The following MMP16 variants were observed in gnomAD, a reference collection of about 807,000 sequenced individuals.
MMP16 encodes the protein matrix metalloproteinase-16.
In MMP16, 12 loss-of-function variants were observed where a neutral mutation model predicts 67.8. The observed-to-expected ratio is 0.18, with a 90% CI of 0.11 to 0.29. The LOEUF is 0.29. MMP16 is among the 10% of genes least tolerant of loss of function. The pLI, the probability that MMP16 is intolerant of heterozygous loss-of-function variation, is 1.00. For synonymous variants in MMP16, 249 were observed against 255.9 expected (o/e 0.97, Z 0.26); for missense variants, 475 against 765.7 (o/e 0.62, Z 4.48).
At chr8:88,326,940 G>A (rs931328225) in intron 1 of MMP16, 135 bp downstream of exon 1, 37 of 1,125,612 alleles carry the variant, frequency 3.3e-5, no homozygotes, top group Middle Eastern at 2.3e-4. Flanking sequence ...ACTGAACCAG[G>A]GTCTCCACAG....
At chr8:88,140,235 C>T (rs1417415191) in intron 4 of MMP16, among the ~76,000 whole-genome samples, 2 of 151,972 alleles carry the variant, frequency 1.3e-5, no homozygotes, top group African/African-American at 2.4e-5. Flanking sequence ...TCTCATATGG[C>T]CTAGGGTTCT....
chr8:88,172,097 C>T (rs1231966307), intron 3 of MMP16, among the ~76,000 whole-genome samples: 3 of 152,014 alleles, frequency 2.0e-5, no homozygotes, highest in Non-Finnish European at 2.9e-5. Context: ...GGATTACAGG[C>T]GTGTGCCACC....
chr8:88,049,199 G>A (rs1180661811), intron 8 of MMP16, among the ~76,000 whole-genome samples: 1 of 152,206 alleles, frequency 6.6e-6, no homozygotes, highest in Non-Finnish European at 1.5e-5. Context: ...AAAGAATCGT[G>A]CCTGGACTGC....
chr8:88,301,191 T>C (rs1186114391), intron 1 of MMP16, among the ~76,000 whole-genome samples: 1 of 152,170 alleles, frequency 6.6e-6, no homozygotes, highest in Non-Finnish European at 1.5e-5. Context: ...ATATTCTTCA[T>C]AGCAATGCTA....
At chr8:88,065,596 A>G (rs1586131471) in intron 7 of MMP16, among the ~76,000 whole-genome samples, 1 of 152,194 alleles carries the variant, frequency 6.6e-6, no homozygotes. Context: ...TTAATCTAGT[A>G]TAACTTTTTA....
At chr8:88,203,344 C>T (rs1186418778) in intron 1 of MMP16, among the ~76,000 whole-genome samples, 2 of 151,988 alleles carry the variant, frequency 1.3e-5, no homozygotes, top group Non-Finnish European at 2.9e-5. Context: ...CCTCGTGATC[C>T]ACCCACCTCG....
At chr8:88,238,147 C>G (rs1441463570) in intron 1 of MMP16, among the ~76,000 whole-genome samples, 1 of 152,138 alleles carries the variant, frequency 6.6e-6, no homozygotes, top group African/African-American at 2.4e-5. Context: ...CATACCTGTA[C>G]TAGGCAAGCA....
At chr8:88,079,029 C>T (rs1391348510) in intron 6 of MMP16, among the ~76,000 whole-genome samples, 1 of 152,182 alleles carries the variant, frequency 6.6e-6, no homozygotes, top group Non-Finnish European at 1.5e-5. Flanking sequence ...GCTTTGCCTC[C>T]TACTGCATCT....
intron 8 of MMP16, among the ~76,000 whole-genome samples, chr8:88,048,259 A>C (rs982552964): frequency 4.6e-5 from 7 of 152,078 alleles, no homozygotes; most frequent in Non-Finnish European, 1.0e-4. Context: ...ATACAAGTAA[A>C]AGCAAAGCTC....
intron 1 of MMP16, among the ~76,000 whole-genome samples, chr8:88,254,376 G>A (rs1810270912): frequency 6.7e-6 from 1 of 148,600 alleles, no homozygotes; most frequent in South Asian, 2.1e-4. Context: ...TACCTGGGTG[G>A]TGAAATAATC....
chr8:88,247,371 G>A (rs1473995549), intron 1 of MMP16, among the ~76,000 whole-genome samples: 1 of 151,952 alleles, frequency 6.6e-6, no homozygotes, highest in African/African-American at 2.4e-5. Flanking sequence ...AATACAAATT[G>A]CCATCATTAT....
chr8:88,044,660 C>T (rs1389875575), intron 9 of MMP16, among the ~76,000 whole-genome samples: 1 of 152,116 alleles, frequency 6.6e-6, no homozygotes, highest in African/African-American at 2.4e-5. Flanking sequence ...TTATGTTTGA[C>T]TGAACATCAT....
At chr8:88,222,907 C>A (rs1809708274) in intron 1 of MMP16, among the ~76,000 whole-genome samples, 1 of 151,950 alleles carries the variant, frequency 6.6e-6, no homozygotes, top group Non-Finnish European at 1.5e-5. Flanking sequence ...GGTGAACAGG[C>A]AACCTACAGA....
intron 4 of MMP16, among the ~76,000 whole-genome samples, chr8:88,156,947 T>C (rs764037427): frequency 1.3e-5 from 2 of 152,148 alleles, no homozygotes; most frequent in Admixed American, 6.6e-5. Flanking sequence ...ATTCAATGTA[T>C]ATATAAAATC....
chr8:88,172,936 AT>A (rs1335845938), intron 3 of MMP16, among the ~76,000 whole-genome samples: 5 of 152,252 alleles, frequency 3.3e-5, no homozygotes, highest in African/African-American at 1.2e-4. Flanking sequence ...ATAAAAATAA[AT>A]GTGAAACAGG....
chr8:88,049,861 CA>C (rs1554574148), intron 8 of MMP16, among the ~76,000 whole-genome samples: 1 of 151,564 alleles, frequency 6.6e-6, no homozygotes, highest in Non-Finnish European at 1.5e-5. Flanking sequence ...CTGTCTTTAC[CA>C]AAAACTCAAA....
At chr8:88,324,736 C>T (rs770836581) in intron 1 of MMP16, among the ~76,000 whole-genome samples, 1 of 151,980 alleles carries the variant, frequency 6.6e-6, no homozygotes, top group Non-Finnish European at 1.5e-5. Context: ...CCATTCTTCC[C>T]ATTAGTGTTT....
chr8:88,315,603 T>G (rs985548813), intron 1 of MMP16, among the ~76,000 whole-genome samples: 1 of 152,166 alleles, frequency 6.6e-6, no homozygotes, highest in Non-Finnish European at 1.5e-5. Context: ...ACTTAGTAAC[T>G]AAATGTGTGT....
chr8:88,193,434 G>A (rs1809201046), intron 2 of MMP16, among the ~76,000 whole-genome samples: 1 of 152,078 alleles, frequency 6.6e-6, no homozygotes, highest in Admixed American at 6.6e-5. Flanking sequence ...ACTAGAGGCT[G>A]GGAAGGATAG....
Sources: gnomAD v4.1 joint callset for allele counts (sites outside exome capture counted in the v4.1 genomes callset) on GRCh38, gnomAD v4.1.1 for gene constraint, MANE v1.5 for transcripts, NCBI Gene and HGNC (gene_info 2026-07-23, HGNC 2026-07-21) for gene names.